Variants in FARP1 observed in about 807,000 individuals in gnomAD.
FARP1 encodes FERM, ARHGEF and pleckstrin domain-containing protein 1.
FARP1 carries 52 observed loss-of-function variants against 128.8 expected under a neutral mutation model. The observed-to-expected ratio is 0.40, with a 90% CI of 0.32 to 0.51. The LOEUF (loss-of-function observed/expected upper bound fraction) is 0.51, where lower values mean the gene tolerates loss of function less well. Among genes scored for constraint, FARP1 ranks in the 20% least tolerant of loss-of-function variants. The pLI is 0.45. For synonymous variants in FARP1, 580 were observed against 551.8 expected, an observed-to-expected ratio of 1.05 and a Z score of -0.72; for missense variants, 1,333 against 1,367.9, an observed-to-expected ratio of 0.97 and a Z score of 0.40.
chr13:98,413,895 G>A (rs1475624441), intron 16 of FARP1, among the ~76,000 whole-genome samples: 1 of 152,140 alleles, frequency 6.6e-6, no homozygotes, highest in Non-Finnish European at 1.5e-5. Context: ...AGGGCATCTT[G>A]AGCTGATGTC....
At chr13:98,334,249 G>A (rs1310176713) in intron 2 of FARP1, 2 of 152,164 alleles carry the variant, frequency 1.3e-5, no homozygotes, top group Admixed American at 6.5e-5. Flanking sequence ...TGCCCACAGG[G>A]TAAAGCCCTA....
chr13:98,368,660 C>G (rs747791172), intron 5 of FARP1, among the ~76,000 whole-genome samples: 14 of 152,228 alleles, frequency 9.2e-5, no homozygotes, highest in Non-Finnish European at 1.9e-4. Flanking sequence ...CTGCCACTTG[C>G]TGTGACGGGC....
At chr13:98,270,225 G>A (rs1442691076) in intron 2 of FARP1, among the ~76,000 whole-genome samples, 1 of 152,186 alleles carries the variant, frequency 6.6e-6, no homozygotes, top group Non-Finnish European at 1.5e-5. Context: ...GACCATAGAA[G>A]AACATGTGTT....
chr13:98,442,353 C>T (rs1366812119), intron 24 of FARP1, among the ~76,000 whole-genome samples: 2 of 152,198 alleles, frequency 1.3e-5, no homozygotes, highest in African/African-American at 2.4e-5. Context: ...CGACCTTCCC[C>T]GTTGCTCAGA....
At chr13:98,290,813 G>A (rs1318929713) in intron 2 of FARP1, among the ~76,000 whole-genome samples, 1 of 152,148 alleles carries the variant, frequency 6.6e-6, no homozygotes, top group Non-Finnish European at 1.5e-5. Context: ...GAGGAGTCAT[G>A]GATGACTCCA....
intron 1 of FARP1, among the ~76,000 whole-genome samples, chr13:98,163,640 A>C (rs1475577293): frequency 3.3e-5 from 5 of 151,298 alleles, no homozygotes; most frequent in Non-Finnish European, 7.4e-5. Context: ...AGGTTCCAGC[A>C]ATCAAAAATA....
intron 17 of FARP1, among the ~76,000 whole-genome samples, chr13:98,429,955 C>T (rs1891947252): frequency 6.6e-6 from 1 of 152,200 alleles, no homozygotes; most frequent in African/African-American, 2.4e-5. Flanking sequence ...ATCTAGATTT[C>T]AGGCCGGGCG....
chr13:98,177,722 A>G (rs964354089), intron 1 of FARP1: 1 of 149,304 alleles, frequency 6.7e-6, no homozygotes, highest in African/African-American at 2.4e-5. Flanking sequence ...TGGCCCTCAG[A>G]TGGATTCCTT....
At chr13:98,171,888 C>T (rs574237467) in intron 1 of FARP1, among the ~76,000 whole-genome samples, 45 of 152,230 alleles carry the variant, frequency 3.0e-4, no homozygotes, top group Non-Finnish European at 4.9e-4. Context: ...TCTGCACACG[C>T]GCTCGGTCAC....
At chr13:98,425,911 A>G (rs1278095977) in intron 17 of FARP1, among the ~76,000 whole-genome samples, 1 of 152,174 alleles carries the variant, frequency 6.6e-6, no homozygotes, top group Admixed American at 6.5e-5. Flanking sequence ...TCTTTTGAAT[A>G]TACCTGTACT....
chr13:98,277,307 C>G (rs1287605645), intron 2 of FARP1, among the ~76,000 whole-genome samples: 2 of 152,126 alleles, frequency 1.3e-5, no homozygotes, highest in Non-Finnish European at 2.9e-5. Flanking sequence ...CACACACCAC[C>G]TTGCCTGGCT....
At chr13:98,251,110 CAT>C (rs1009786607) in intron 2 of FARP1, among the ~76,000 whole-genome samples, 1 of 152,198 alleles carries the variant, frequency 6.6e-6, no homozygotes, top group Non-Finnish European at 1.5e-5. Flanking sequence ...AAGGCACATA[CAT>C]GTGTGTACAT....
At chr13:98,238,817 A>G (rs1882598968) in intron 2 of FARP1, among the ~76,000 whole-genome samples, 2 of 152,162 alleles carry the variant, frequency 1.3e-5, no homozygotes, top group Admixed American at 1.3e-4. Flanking sequence ...GTTACTGATA[A>G]GGTCAACAAT....
chr13:98,358,294 C>T (rs1441207373), intron 3 of FARP1, among the ~76,000 whole-genome samples: 3 of 152,082 alleles, frequency 2.0e-5, no homozygotes, highest in African/African-American at 7.2e-5. Context: ...CCTGGAAACT[C>T]ACTCAAGGCA....
At chr13:98,260,758 C>A (rs1260733797) in intron 2 of FARP1, among the ~76,000 whole-genome samples, 1 of 152,216 alleles carries the variant, frequency 6.6e-6, no homozygotes, top group Non-Finnish European at 1.5e-5. Flanking sequence ...CCACTCTGTC[C>A]TGCCAAGAAG....
At chr13:98,221,496 A>G (rs1881411123) in intron 2 of FARP1, among the ~76,000 whole-genome samples, 2 of 152,198 alleles carry the variant, frequency 1.3e-5, no homozygotes, top group African/African-American at 4.8e-5. Flanking sequence ...GAAGGTCTAT[A>G]AGAACCAAGC....
At chr13:98,222,007 T>C (rs1262617437) in intron 2 of FARP1, among the ~76,000 whole-genome samples, 1 of 152,244 alleles carries the variant, frequency 6.6e-6, no homozygotes, top group African/African-American at 2.4e-5. Flanking sequence ...CTGGAGGTAA[T>C]GATTTTAACT....
rs967993758 is a variant in FARP1 at position 98,351,738 on chromosome 13, G to A, written c.276+7872G>A. Among the ~76,000 whole-genome samples, 11 of 152,092 alleles carry A rather than the reference G, an allele frequency of 7.2e-5. No homozygotes were observed. The South Asian group carries it at 8.3e-4, about 11-fold the overall frequency. Reference sequence around the variant, plus strand: ...GGCAGAAGGTGAAGTAGGAACAGGCGTGTCATGCTGCAAGAGAGAGAGCAA... The same window carrying A: ...GGCAGAAGGTGAAGTAGGAACAGGCATGTCATGCTGCAAGAGAGAGAGCAA... On this transcript the variant is annotated intron_variant, in intron 3 of 26. Transcript: ENST00000319562.
At chr13:98,397,901 A>G (rs1443326267) in intron 13 of FARP1, 9 of 6,736 alleles carry the variant, frequency 1.3e-3, no homozygotes, top group Admixed American at 2.3e-3. Context: ...TTTTTTTTTG[A>G]AAAAAAAAAA....
Sources: allele counts gnomAD v4.1 joint callset (sites outside exome capture counted in the v4.1 genomes callset), GRCh38; gene constraint gnomAD v4.1.1; transcripts MANE v1.5; gene names NCBI Gene and HGNC (gene_info 2026-07-23, HGNC 2026-07-21).